The following IGSF21 variants were observed in gnomAD, a reference collection of about 807,000 sequenced individuals.
IGSF21 encodes immunoglobin superfamily member 21, also known as immunoglobulin superfamily member 21.
Under a neutral mutation model 46.8 loss-of-function variants are expected in IGSF21, and 28 were observed. That is an observed-to-expected ratio of 0.60 (90% CI 0.44 to 0.82). The LOEUF (loss-of-function observed/expected upper bound fraction) is 0.82, where lower values mean the gene tolerates loss of function less well. Ranked by LOEUF, IGSF21 falls within the 40% of genes least tolerant of loss-of-function variation. The probability of loss-of-function intolerance (pLI) is 0.00; values close to 1 mark genes in which losing one functional copy is unlikely to be tolerated. For synonymous variants in IGSF21, 284 were observed against 273.6 expected (o/e 1.04, Z -0.38); for missense variants, 624 against 665.5 (o/e 0.94, Z 0.69).
At chr1:18,375,549 C>G (rs1355613552) in intron 6 of IGSF21, among the ~76,000 whole-genome samples, 1 of 152,142 alleles carries the variant, frequency 6.6e-6, no homozygotes, top group East Asian at 1.9e-4. Flanking sequence ...CTCAGAGATA[C>G]AAAGGGACTG....
chr1:18,255,631 C>T (rs1409235873), intron 2 of IGSF21, among the ~76,000 whole-genome samples: 1 of 152,054 alleles, frequency 6.6e-6, no homozygotes, highest in Non-Finnish European at 1.5e-5. Context: ...CTTGATTATA[C>T]CCTGTGTTCC....
At chr1:18,225,091 A>T (rs1281718106) in intron 1 of IGSF21, among the ~76,000 whole-genome samples, 1,693 of 33,600 alleles carry the variant, frequency 0.05, 19 homozygotes, top group South Asian at 0.19. Flanking sequence ...TCTCTCACAC[A>T]CACACACACA....
At chr1:18,212,323 G>C (rs1406859047) in intron 1 of IGSF21, among the ~76,000 whole-genome samples, 1 of 152,228 alleles carries the variant, frequency 6.6e-6, no homozygotes, top group Non-Finnish European at 1.5e-5. Context: ...GTCAGAAGCT[G>C]TCCCCAGGTC....
chr1:18,314,998 C>G (rs900565832), intron 3 of IGSF21, among the ~76,000 whole-genome samples: 1 of 152,078 alleles, frequency 6.6e-6, no homozygotes, highest in African/African-American at 2.4e-5. Flanking sequence ...ATGATTGGTG[C>G]ATGAGTTGGG....
intron 6 of IGSF21, among the ~76,000 whole-genome samples, chr1:18,366,628 T>A (rs1430749926): frequency 6.6e-6 from 1 of 152,284 alleles, no homozygotes; most frequent in South Asian, 2.1e-4. Context: ...TTTGCCAGGT[T>A]GGGGTCAGGA....
chr1:18,108,412 A>T (rs2086111762), intron 1 of IGSF21, among the ~76,000 whole-genome samples: 1 of 150,728 alleles, frequency 6.6e-6, no homozygotes, highest in Non-Finnish European at 1.5e-5. Context: ...GTGTGTGTAA[A>T]TTGTGTGTCT....
At chr1:18,348,687 G>A (rs1465458447) in intron 4 of IGSF21, among the ~76,000 whole-genome samples, 2 of 152,208 alleles carry the variant, frequency 1.3e-5, no homozygotes, top group Non-Finnish European at 2.9e-5. Context: ...CACAGCCTGA[G>A]GAGGCTATAG....
At chr1:18,154,165 T>C (rs1570274027) in intron 1 of IGSF21, among the ~76,000 whole-genome samples, 1 of 152,146 alleles carries the variant, frequency 6.6e-6, no homozygotes, top group East Asian at 1.9e-4. Context: ...CACCCTTCCC[T>C]ATCGCCTTCA....
intron 2 of IGSF21, among the ~76,000 whole-genome samples, chr1:18,234,870 C>T (rs548610748): frequency 2.0e-5 from 3 of 152,130 alleles, no homozygotes; most frequent in Non-Finnish European, 4.4e-5. Context: ...CACCCCTAAC[C>T]ACAGCTGTTA....
At chr1:18,171,237 G>C (rs1438812270) in intron 1 of IGSF21, among the ~76,000 whole-genome samples, 1 of 152,154 alleles carries the variant, frequency 6.6e-6, no homozygotes, top group Non-Finnish European at 1.5e-5. Flanking sequence ...AGTCCAGAGA[G>C]GAGGCATTCA....
rs1251508473 is a variant in IGSF21, at chr1:18,365,339, C to A, written c.657C>A (p.Asp219Glu). 6.2e-7 allele frequency: 1 copy of A among 1,614,012 alleles called. No individual in the cohort carries two copies. Among genetic ancestry groups the A allele is most frequent in the East Asian group, 2.2e-5 (1 of 44,880 alleles). ...SRPFRSLLHR[D>E]LDDTKMQKSL... ...CCTTCCGCAGCCTTCTGCACCGTGA[C>A]CTGGATGACACCAAGATGCAGAAGT... The change falls in exon 6 of 10, where the codon GAC (aspartate) becomes GAA (glutamate). Residue 219 changes from aspartate to glutamate, a missense_variant. By Grantham distance (45) the Asp-to-Glu change is conservative. Coordinates refer to ENST00000251296, the MANE Select transcript of IGSF21 (RefSeq NM_032880.5). The surrounding 1 kb of genome is among the most constrained non-coding windows in gnomAD (Gnocchi z 4.8).
chr1:18,295,064 C>A (rs903291169), intron 3 of IGSF21, among the ~76,000 whole-genome samples: 1 of 152,168 alleles, frequency 6.6e-6, no homozygotes, highest in African/African-American at 2.4e-5. Flanking sequence ...AGCAATTTCG[C>A]GGGTAGCCTA....
At chr1:18,226,239 C>T (rs112087008) in intron 1 of IGSF21, among the ~76,000 whole-genome samples, 2,116 of 152,266 alleles carry the variant, frequency 0.014, 46 homozygotes, top group African/African-American at 0.048. Context: ...GGCCCCCGTC[C>T]GCCTACCTAG....
At chr1:18,274,216 G>A (rs11812064) in intron 2 of IGSF21, among the ~76,000 whole-genome samples, 36,758 of 152,114 alleles carry the variant, frequency 0.24, 4,885 homozygotes, top group African/African-American at 0.36. Flanking sequence ...GGTATCTATG[G>A]CAAAGGCCTA....
intron 4 of IGSF21, among the ~76,000 whole-genome samples, chr1:18,344,867 T>C (rs943478084): frequency 2.0e-5 from 3 of 152,172 alleles, no homozygotes; most frequent in African/African-American, 7.2e-5. Flanking sequence ...TTACATTAAC[T>C]GGCTCCAGGC....
Position 18,334,148 on chromosome 1 carries a change from G to T in IGSF21, c.306-744G>T, listed in dbSNP as rs2085741880. ...TGAGGGGGTCTCTCCCATCCTTAGG[G>T]ATCACCTCTTCTGAGACACCCTCCC... On this transcript the variant is annotated intron_variant, in intron 3 of 9. Coordinates refer to ENST00000251296, the MANE Select transcript of IGSF21 (RefSeq NM_032880.5). The surrounding 1 kb of genome is among the most constrained non-coding windows in gnomAD (Gnocchi z 4.3). 6.6e-6 allele frequency among the ~76,000 whole-genome samples: 1 copy of T among 152,138 alleles called. No homozygotes were observed. Among genetic ancestry groups the T allele is most frequent in the South Asian group, 2.1e-4 (1 of 4,822 alleles).
chr1:18,369,832 T>C (rs183948299), intron 6 of IGSF21, among the ~76,000 whole-genome samples: 1 of 152,330 alleles, frequency 6.6e-6, no homozygotes, highest in East Asian at 1.9e-4. Context: ...CCCAACCCTT[T>C]GAGCTGTTTG....
intron 1 of IGSF21, among the ~76,000 whole-genome samples, chr1:18,189,603 T>C (rs191246633): frequency 7.9e-5 from 12 of 151,350 alleles, no homozygotes; most frequent in Non-Finnish European, 1.6e-4. Flanking sequence ...CTGGGGGTGC[T>C]GGGAGACAGT....
At chr1:18,273,462 C>CTCCTTTCTTTCTT (rs2085067794) in intron 2 of IGSF21, among the ~76,000 whole-genome samples, 1 of 61,954 alleles carries the variant, frequency 1.6e-5, no homozygotes, top group Admixed American at 2.1e-4. Context: ...TTCTTTCTCT[C>CTCCTTTCTTTCTT]TCTTTCTTTC....
Sources: allele counts gnomAD v4.1 joint callset (sites outside exome capture counted in the v4.1 genomes callset), GRCh38; gene constraint gnomAD v4.1.1; non-coding constraint Gnocchi (gnomAD v3.1); transcripts MANE v1.5; gene names NCBI Gene and HGNC (gene_info 2026-07-23, HGNC 2026-07-21).